The following IGF1R variants were observed in gnomAD, a reference collection of about 807,000 sequenced individuals.
IGF1R encodes the protein insulin like growth factor 1 receptor.
In IGF1R, 44 loss-of-function variants were observed where a neutral mutation model predicts 144.6. The observed-to-expected ratio is 0.30, with a 90% CI of 0.24 to 0.39. The LOEUF is 0.39. Among genes scored for constraint, IGF1R ranks in the 10% least tolerant of loss-of-function variants. The pLI is 1.00. For missense variants in IGF1R, 1,355 were observed against 1,833.7 expected (o/e 0.74, Z 4.77); for synonymous variants, 795 against 722.8 (o/e 1.10, Z -1.60).
At chr15:98,827,395 T>G (rs981217961) in intron 2 of IGF1R, among the ~76,000 whole-genome samples, 1 of 152,188 alleles carries the variant, frequency 6.6e-6, no homozygotes, top group African/African-American at 2.4e-5. Flanking sequence ...AAGTAATGTT[T>G]ATATTCTTAA....
At chr15:98,786,732 T>C (rs554951783) in intron 2 of IGF1R, among the ~76,000 whole-genome samples, 3 of 152,230 alleles carry the variant, frequency 2.0e-5, no homozygotes, top group East Asian at 1.9e-4. Flanking sequence ...TTAGAATAGT[T>C]TGGGGAGGAC....
intron 2 of IGF1R, among the ~76,000 whole-genome samples, chr15:98,774,123 A>C (rs1354593192): frequency 1.3e-5 from 2 of 152,208 alleles, no homozygotes; most frequent in African/African-American, 4.8e-5. Flanking sequence ...TGACAAAAAG[A>C]AGAGGATCTT....
rs532777442 is a variant in IGF1R, at chr15:98,802,700, A to T, written c.641-88625A>T. 2.2e-4 allele frequency among the ~76,000 whole-genome samples: 34 copies of T among 152,348 alleles called. 1 individual carries two copies. The highest frequency in any genetic ancestry group is 7.2e-4 in the African/African-American group (30 of 41,586). The stretch of plus-strand genomic sequence containing the variant: ...ATTTTATTTGTCTAGCATCATTGAA[A>T]GAGTTTTTTGCTTGAGTTGATTTCC... On this transcript the variant is annotated intron_variant, in intron 2 of 20. Coordinates refer to ENST00000650285, the MANE Select transcript of IGF1R (RefSeq NM_000875.5).
chr15:98,693,312 G>C (rs895070960), intron 1 of IGF1R, among the ~76,000 whole-genome samples: 5 of 152,154 alleles, frequency 3.3e-5, no homozygotes, highest in African/African-American at 1.2e-4. Context: ...CCATGTAGAG[G>C]GGCAAGATTT....
intron 2 of IGF1R, among the ~76,000 whole-genome samples, chr15:98,804,675 C>T (rs2056433982): frequency 6.6e-6 from 1 of 152,112 alleles, no homozygotes; most frequent in Non-Finnish European, 1.5e-5. Context: ...TCAGAAAATA[C>T]CTGCTAATCC....
At chr15:98,788,945 A>G (rs2056068958) in intron 2 of IGF1R, among the ~76,000 whole-genome samples, 1 of 151,834 alleles carries the variant, frequency 6.6e-6, no homozygotes. Context: ...AAGAATTTTT[A>G]TGCTCCATAG....
At chr15:98,776,142 A>T (rs752779406) in intron 2 of IGF1R, among the ~76,000 whole-genome samples, 56 of 151,540 alleles carry the variant, frequency 3.7e-4, no homozygotes, top group Middle Eastern at 3.4e-3. Flanking sequence ...GGCAAGAGAA[A>T]TTTTTATTTA....
chr15:98,887,346 C>T (rs942338210), intron 2 of IGF1R, among the ~76,000 whole-genome samples: 8 of 151,892 alleles, frequency 5.3e-5, no homozygotes, highest in African/African-American at 1.9e-4. Context: ...CTTTCTCATC[C>T]TGGAAAATCC....
At chr15:98,883,046 T>C (rs1165459947) in intron 2 of IGF1R, among the ~76,000 whole-genome samples, 1 of 152,258 alleles carries the variant, frequency 6.6e-6, no homozygotes, top group Non-Finnish European at 1.5e-5. Flanking sequence ...TATCTTCCAT[T>C]CTGACCATAA....
At chr15:98,821,554 G>T (rs2056803192) in intron 2 of IGF1R, among the ~76,000 whole-genome samples, 1 of 152,196 alleles carries the variant, frequency 6.6e-6, no homozygotes, top group African/African-American at 2.4e-5. Flanking sequence ...AGTGATGCGT[G>T]AGGGAGGCGT....
chr15:98,801,165 C>T (rs559010456), intron 2 of IGF1R, among the ~76,000 whole-genome samples: 1 of 152,280 alleles, frequency 6.6e-6, no homozygotes, highest in East Asian at 1.9e-4. Flanking sequence ...ACCTCAGAGC[C>T]CTCAAAGCCC....
intron 2 of IGF1R, among the ~76,000 whole-genome samples, chr15:98,789,648 C>T (rs1329567348): frequency 6.6e-6 from 1 of 152,184 alleles, no homozygotes; most frequent in Non-Finnish European, 1.5e-5. Context: ...TTGGGCCACG[C>T]AGCTTTTTCT....
chr15:98,873,925 C>CT (rs1249396634), intron 2 of IGF1R: 2 of 152,180 alleles, frequency 1.3e-5, no homozygotes, highest in Non-Finnish European at 2.9e-5. Flanking sequence ...AGTAGATAAT[C>CT]TTTTCCCTAA....
intron 2 of IGF1R, among the ~76,000 whole-genome samples, chr15:98,869,777 T>C (rs1286155439): frequency 1.3e-5 from 2 of 152,176 alleles, no homozygotes; most frequent in African/African-American, 2.4e-5. Flanking sequence ...CATCTTAAAG[T>C]CTGTATGTGC....
chr15:98,868,748 A>G, intron 2 of IGF1R, among the ~76,000 whole-genome samples: 1 of 152,080 alleles, frequency 6.6e-6, no homozygotes, highest in Middle Eastern at 3.2e-3. Context: ...GGCTTGTTGC[A>G]CAGATGAAAT....
chr15:98,769,112 C>T (rs916401997), intron 2 of IGF1R, among the ~76,000 whole-genome samples: 1 of 152,190 alleles, frequency 6.6e-6, no homozygotes, highest in African/African-American at 2.4e-5. Context: ...TAATCAGCAA[C>T]AGTTTTAAGT....
chr15:98,824,567 ATCT>A (rs2056858048), intron 2 of IGF1R, among the ~76,000 whole-genome samples: 1 of 152,158 alleles, frequency 6.6e-6, no homozygotes, highest in Non-Finnish European at 1.5e-5. Flanking sequence ...ACCTTGGCTT[ATCT>A]TCTTGCTGCT....
chr15:98,948,491 ATGTAAGAAGTGC>A (rs1306562233), intron 19 of IGF1R, 71 bp from the exon 20 acceptor site: 13 of 1,418,196 alleles, frequency 9.2e-6, no homozygotes, highest in Non-Finnish European at 1.3e-5. Flanking sequence ...TCTGCTCGGG[ATGTAAGAAGTGC>A]TGGAAAGGAG....
chr15:98,831,412 G>A (rs911737796), intron 2 of IGF1R, among the ~76,000 whole-genome samples: 10 of 152,102 alleles, frequency 6.6e-5, no homozygotes, highest in South Asian at 2.1e-4. Flanking sequence ...AGAACCTCAC[G>A]CCCAGCTTCC....
Sources: allele counts gnomAD v4.1 joint callset (sites outside exome capture counted in the v4.1 genomes callset), GRCh38; gene constraint gnomAD v4.1.1; transcripts MANE v1.5; gene names NCBI Gene and HGNC (gene_info 2026-07-23, HGNC 2026-07-21).